C7: variants seen among roughly 807,000 people sequenced by gnomAD.
The protein encoded by C7 is complement component C7.
Under a neutral mutation model 104.8 loss-of-function variants are expected in C7, and 83 were observed. The ratio of observed to expected loss-of-function variants is 0.79; its 90% CI spans 0.66 to 0.95. The LOEUF (loss-of-function observed/expected upper bound fraction) is 0.95, where lower values mean the gene tolerates loss of function less well. C7 is among the 40% of genes least tolerant of loss of function. C7 has a pLI of 0.00. For missense variants in C7, 1,070 were observed against 1,011.2 expected (o/e 1.06, Z -0.79); for synonymous variants, 415 against 360.6 (o/e 1.15, Z -1.71).
chr5:40,929,131 A>C (rs1739620740), intron 2 of C7, among the ~76,000 whole-genome samples: 1 of 152,180 alleles, frequency 6.6e-6, no homozygotes, highest in South Asian at 2.1e-4. Flanking sequence ...AGTTCATTTT[A>C]TGGAACTATC....
chr5:40,981,394 G>A lies in C7; in HGVS notation c.2353G>A (p.Glu785Lys), dbSNP rs766182545. Residue 785 changes from glutamate to lysine, a missense_variant and splice_region_variant, in exon 18 of 18, where the codon GAG becomes AAG. By Grantham distance (56) the Glu-to-Lys change is moderately conservative. Transcript: ENST00000313164. ...GCCTCTTTCACTTACTTTTCCAGCT[G>A]AGAGCAGCAAATGTGTCTGCCGAGA... ...ACPLWGKCDAESSKCVCREAS... is the reference protein window; with the variant it reads ...ACPLWGKCDAKSSKCVCREAS... The A allele has an allele frequency of 1.2e-6, 2 of 1,610,378 alleles. No individual in the cohort carries two copies. Among genetic ancestry groups the A allele is most frequent in the South Asian group, 1.1e-5 (1 of 90,100 alleles).
intron 1 of C7, among the ~76,000 whole-genome samples, chr5:40,921,072 C>G (rs1484238698): frequency 6.8e-6 from 1 of 147,946 alleles, no homozygotes; most frequent in East Asian, 2.0e-4. Context: ...AAATGAAAGA[C>G]TACACTAAAT....
intron 1 of C7, among the ~76,000 whole-genome samples, chr5:40,920,443 A>C (rs1739415022): frequency 1.3e-5 from 2 of 151,886 alleles, no homozygotes; most frequent in African/African-American, 4.8e-5. Context: ...TCCAAAGCAT[A>C]CAACATACAA....
chr5:40,937,234 A>G (rs1046136410), intron 5 of C7: 3 of 179,376 alleles, frequency 1.7e-5, no homozygotes, highest in South Asian at 1.7e-4. Context: ...GGTTTTATCT[A>G]CAGATTCAAT....
At chr5:40,925,021 T>C (rs1481126834) in intron 1 of C7, among the ~76,000 whole-genome samples, 1 of 152,222 alleles carries the variant, frequency 6.6e-6, no homozygotes, top group Non-Finnish European at 1.5e-5. Flanking sequence ...CAAATCTCTG[T>C]AGCAAGTGCT....
At chr5:40,918,442 A>C (rs1561235892) in intron 1 of C7, among the ~76,000 whole-genome samples, 1 of 152,170 alleles carries the variant, frequency 6.6e-6, no homozygotes, top group East Asian at 1.9e-4. Flanking sequence ...GTAAGTCCTT[A>C]TCTATCAATA....
chr5:40,926,865 C>A (rs527367652), intron 1 of C7, among the ~76,000 whole-genome samples: 2 of 152,104 alleles, frequency 1.3e-5, no homozygotes, highest in East Asian at 3.9e-4. Context: ...TATCAAAATT[C>A]TAACATCATT....
At chr5:40,945,947 T>A (rs2111625593) in intron 7 of C7, among the ~76,000 whole-genome samples, 1 of 148,882 alleles carries the variant, frequency 6.7e-6, no homozygotes, top group South Asian at 2.1e-4. Flanking sequence ...TCATTAAAAA[T>A]ATTTGTTTTT....
At chr5:40,970,799 C>T (rs1229601801) in intron 14 of C7, among the ~76,000 whole-genome samples, 3 of 152,162 alleles carry the variant, frequency 2.0e-5, no homozygotes, top group Non-Finnish European at 4.4e-5. Context: ...TGATGTTCCA[C>T]TCCCTGTGCC....
intron 1 of C7, among the ~76,000 whole-genome samples, chr5:40,912,816 A>G (rs150118018): frequency 1.7e-4 from 26 of 152,236 alleles, no homozygotes; most frequent in African/African-American, 6.3e-4. Flanking sequence ...TTTTATTTGT[A>G]TACATTTAAG....
intron 12 of C7, among the ~76,000 whole-genome samples, chr5:40,959,988 C>T (rs866801728): frequency 5.9e-5 from 9 of 152,170 alleles, no homozygotes; most frequent in African/African-American, 1.7e-4. Context: ...TTGTTACTGT[C>T]AGAATTAAAT....
intron 3 of C7, among the ~76,000 whole-genome samples, chr5:40,932,032 A>G (rs1739695833): frequency 6.6e-6 from 1 of 152,194 alleles, no homozygotes; most frequent in Non-Finnish European, 1.5e-5. Flanking sequence ...TGCTGGGATT[A>G]CAGGTGTGAG....
At position 40,982,678 on chromosome 5, in the gene C7, A is replaced by G. The variant is rs8264; in HGVS notation, c.*1105A>G. The G allele has an allele frequency of 0.18, 27,251 of 152,262 alleles. 2,567 individuals carry two copies. The highest frequency in any genetic ancestry group is 0.24 in the African/African-American group (10,152 of 41,484). The allele number at this position is 152,262 out of a possible 1,614,324, so 9.4% of individuals were successfully genotyped here. A position where few individuals can be genotyped will look rare whatever the true frequency, so the allele number is the denominator to read the frequency against. On this transcript the variant is annotated 3_prime_UTR_variant, in exon 18 of 18. Transcript: ENST00000313164. ...TGTGCATTTGAGAATAGTTTTCCCTATTCTGTGGATACAGTCCCAGAGTTT... is the reference window on the plus strand; with the variant it reads ...TGTGCATTTGAGAATAGTTTTCCCTGTTCTGTGGATACAGTCCCAGAGTTT...
chr5:40,981,515 G>A lies in C7; in HGVS notation c.2474G>A (p.Cys825Tyr), dbSNP rs1232565619. 1 of 1,613,638 alleles carries A rather than the reference G, an allele frequency of 6.2e-7. No individual in the cohort carries two copies. The highest frequency in any genetic ancestry group is 8.5e-7 in the Non-Finnish European group (1 of 1,179,760). Residue 825 changes from cysteine to tyrosine, a missense_variant, in exon 18 of 18, where the codon TGC becomes TAC. Transcript: ENST00000313164. ...MSECEAGALR[C>Y]RGQSISVTSI... is the part of the protein sequence containing the mutation. ...GAGTGTGAGGCGGGCGCTCTGAGATGCAGAGGGCAGAGCATCTCTGTCACC... is the reference window on the plus strand; with the variant it reads ...GAGTGTGAGGCGGGCGCTCTGAGATACAGAGGGCAGAGCATCTCTGTCACC...
chr5:40,961,640 C>T (rs2111674253), intron 12 of C7, among the ~76,000 whole-genome samples: 1 of 152,268 alleles, frequency 6.6e-6, no homozygotes, highest in South Asian at 2.1e-4. Flanking sequence ...CCTGCCCTGT[C>T]CTCCCAAAGT....
intron 1 of C7, among the ~76,000 whole-genome samples, chr5:40,911,453 C>T (rs1329036694): frequency 6.6e-5 from 10 of 152,210 alleles, no homozygotes; most frequent in African/African-American, 2.4e-4. Flanking sequence ...GGACAAGGGA[C>T]TTCCCTCGGA....
At position 40,981,490 on chromosome 5, in the gene C7, G is replaced by C; in HGVS notation, c.2449G>C (p.Glu817Gln). 1 of 1,613,854 alleles carries C rather than the reference G, an allele frequency of 6.2e-7. No individual in the cohort carries two copies. The highest frequency in any genetic ancestry group is 8.5e-7 in the Non-Finnish European group (1 of 1,179,796). The change falls in exon 18 of 18, where the codon GAG becomes CAG. Residue 817 changes from glutamate to glutamine, a missense_variant. Coordinates refer to ENST00000313164, the MANE Select transcript of C7 (RefSeq NM_000587.4). ...GAACGGCAAGGAGCAGACGATGTCT[G>C]AGTGTGAGGCGGGCGCTCTGAGATG... ...EVNGKEQTMS[E>Q]CEAGALRCRG...
intron 1 of C7, among the ~76,000 whole-genome samples, chr5:40,923,483 C>G (rs1018677728): frequency 1.3e-5 from 2 of 152,078 alleles, no homozygotes; most frequent in East Asian, 3.9e-4. Flanking sequence ...TGGTGGCTCC[C>G]GCCTGTAATC....
chr5:40,978,698 C>T (rs566606183), intron 16 of C7, among the ~76,000 whole-genome samples: 1 of 152,042 alleles, frequency 6.6e-6, no homozygotes, highest in Non-Finnish European at 1.5e-5. Flanking sequence ...CTCTTTCTGA[C>T]TCCATCTGGT....
Sources: allele counts gnomAD v4.1 joint callset (sites outside exome capture counted in the v4.1 genomes callset), GRCh38; gene constraint gnomAD v4.1.1; transcripts MANE v1.5; gene names NCBI Gene and HGNC (gene_info 2026-07-23, HGNC 2026-07-21).